Variants in PUS1 observed in about 807,000 individuals in gnomAD.
The protein encoded by PUS1 is pseudouridylate synthase 1 homolog.
In PUS1, 25 loss-of-function variants were observed where a neutral mutation model predicts 38.5. The ratio of observed to expected loss-of-function variants is 0.65; its 90% CI spans 0.47 to 0.91. PUS1 has a LOEUF of 0.91. Among genes scored for constraint, PUS1 ranks in the 40% least tolerant of loss-of-function variants. The probability of loss-of-function intolerance (pLI) is 0.00; values close to 1 mark genes in which losing one functional copy is unlikely to be tolerated. For missense variants in PUS1, 597 were observed against 612.3 expected (o/e 0.97, Z 0.26); for synonymous variants, 282 against 260.4 (o/e 1.08, Z -0.80).
intron 2 of PUS1, 28 bp from the exon 3 acceptor site, chr12:131,932,147 A>G: frequency 1.2e-6 from 2 of 1,611,078 alleles, no homozygotes; most frequent in Middle Eastern, 3.3e-4. Context: ...TGCAAAATAT[A>G]AAATCTGTTT....
chr12:131,933,113 G>A (rs897522280), intron 3 of PUS1, among the ~76,000 whole-genome samples: 3 of 151,978 alleles, frequency 2.0e-5, no homozygotes, highest in African/African-American at 7.2e-5. Context: ...GACACTTGGG[G>A]ATTACCTTCA....
rs780061373 is a variant in PUS1, at chr12:131,929,997, C to A, written c.165C>A (p.Gly55=). 2 of 1,483,040 alleles carry A rather than the reference C, an allele frequency of 1.3e-6. No homozygotes were observed. Among genetic ancestry groups the A allele is most frequent in the South Asian group, 1.4e-5 (1 of 73,328 alleles). 91.9% of individuals were successfully genotyped at this position (1,483,040 alleles called of 1,614,324 possible). The change falls in exon 2 of 6, where the codon GGC becomes GGA. Residue 55 remains glycine, a synonymous_variant. Coordinates refer to ENST00000376649, the MANE Select transcript of PUS1 (RefSeq NM_025215.6). ...GGTCCTGCAGCGGCCGGGCCGGGGG[C>A]GACCGCGTCTGGGAGGACGGAGAAC... ...DRRSCSGRAG[G]DRVWEDGEHP...
intron 4 of PUS1, among the ~76,000 whole-genome samples, chr12:131,940,541 A>G (rs1014821132): frequency 6.6e-6 from 1 of 152,260 alleles, no homozygotes; most frequent in Admixed American, 6.5e-5. Context: ...AGGATTCAGT[A>G]ATCCCTGTTG....
At chr12:131,938,552 CTG>C (rs1425395757) in intron 3 of PUS1, among the ~76,000 whole-genome samples, 2 of 152,152 alleles carry the variant, frequency 1.3e-5, no homozygotes, top group Non-Finnish European at 2.9e-5. Flanking sequence ...CAGTTTTTAT[CTG>C]TGTACCTACC....
intron 2 of PUS1, 55 bp from the exon 3 acceptor site, chr12:131,932,120 T>A: frequency 6.5e-7 from 1 of 1,545,084 alleles, no homozygotes; most frequent in Non-Finnish European, 8.9e-7. Flanking sequence ...CTGGGCAACA[T>A]CATGGCGACC....
intron 3 of PUS1, among the ~76,000 whole-genome samples, chr12:131,933,865 A>G (rs1007638050): frequency 1.6e-4 from 25 of 152,284 alleles, no homozygotes; most frequent in African/African-American, 6.0e-4. Flanking sequence ...GACCACTACC[A>G]CCAATGGGCC....
rs1001967684 is a variant in PUS1, at chr12:131,943,558, G to T, written c.1256G>T (p.Gly419Val). Residue 419 changes from glycine (G) to valine (V), a missense_variant, in exon 6 of 6, where the codon GGC (glycine) becomes GTC (valine). Physicochemically the swap from Gly to Val is moderately radical, Grantham distance 109 (BLOSUM62 -3). Coordinates refer to ENST00000376649, the MANE Select transcript of PUS1 (RefSeq NM_025215.6). Reference sequence around the variant, plus strand: ...CTGCAGGTGCCCAGTCCCCTGGAAGGCAGTGAAGGGGACGGAGACACTGAC... The same window carrying T: ...CTGCAGGTGCCCAGTCCCCTGGAAGTCAGTGAAGGGGACGGAGACACTGAC... ...TGAKVPSPLE[G>V]SEGDGDTD is the part of the protein sequence containing the mutation. 1.2e-6 allele frequency: 2 copies of T among 1,613,766 alleles called. No homozygotes were observed. The highest frequency in any genetic ancestry group is 1.7e-5 in the Admixed American group (1 of 60,032).
At chr12:131,937,456 C>G (rs1356862860) in intron 3 of PUS1, among the ~76,000 whole-genome samples, 2 of 152,202 alleles carry the variant, frequency 1.3e-5, no homozygotes. Flanking sequence ...CTCACTGCAA[C>G]CTCCACCTCC....
rs1566148374 is a variant in PUS1, at chr12:131,941,644, C to G, written c.897C>G (p.Gly299=). 6.2e-7 allele frequency: 1 copy of G among 1,614,054 alleles called. No individual in the cohort carries two copies. Among genetic ancestry groups the G allele is most frequent in the Non-Finnish European group, 8.5e-7 (1 of 1,180,032 alleles). Residue 299 remains glycine, a synonymous_variant, in exon 5 of 6, where the codon GGC becomes GGG. Coordinates refer to ENST00000376649, the MANE Select transcript of PUS1 (RefSeq NM_025215.6). The surrounding 1 kb of genome is among the most constrained non-coding windows in gnomAD (Gnocchi z 4.4). ...FMMHQIRKMV[G]LVVAIVKGYA... ...TGCATCAGATCCGGAAGATGGTCGGCCTGGTGGTGGCCATTGTGAAGGGTT... is the reference window on the plus strand; with the variant it reads ...TGCATCAGATCCGGAAGATGGTCGGGCTGGTGGTGGCCATTGTGAAGGGTT...
chr12:131,942,112 A>G (rs564606545), intron 5 of PUS1, 129 bp downstream of exon 5: 10 of 903,388 alleles, frequency 1.1e-5, no homozygotes, highest in East Asian at 2.6e-5. Context: ...CTGCAGGAGC[A>G]GGGGCAGGCG....
At chr12:131,936,480 T>C (rs1890840434) in intron 3 of PUS1, among the ~76,000 whole-genome samples, 1 of 151,856 alleles carries the variant, frequency 6.6e-6, no homozygotes, top group Admixed American at 6.6e-5. Context: ...GGAGAATCGT[T>C]TGAATCCGAG....
At position 131,941,224 on chromosome 12, in the gene PUS1, C is replaced by T; in HGVS notation, c.545-68C>T. 2 of 1,402,236 alleles carry T rather than the reference C, an allele frequency of 1.4e-6. No individual in the cohort carries two copies. The highest frequency in any genetic ancestry group is 2.0e-6 in the Non-Finnish European group (2 of 996,198). The allele number at this position is 1,402,236 out of a possible 1,614,324, so 86.9% of individuals were successfully genotyped here. ...GAGACGCTGGGGCTCACGCCGTGCT[C>T]AGGCTGCTCCCTGGTCATCCAGGCA... On this transcript the variant is annotated intron_variant, in intron 4 of 5. Transcript: ENST00000376649. This position sits in a 1 kb window ranked among gnomAD's most constrained non-coding sequence, Gnocchi z 4.4.
At chr12:131,933,438 T>A (rs539727645) in intron 3 of PUS1, among the ~76,000 whole-genome samples, 13 of 152,372 alleles carry the variant, frequency 8.5e-5, no homozygotes, top group African/African-American at 3.1e-4. Flanking sequence ...AATGTAATAC[T>A]GTTTTTGTGT....
chr12:131,942,629 A>T (rs551072848), intron 5 of PUS1, among the ~76,000 whole-genome samples: 10 of 152,150 alleles, frequency 6.6e-5, no homozygotes, highest in Non-Finnish European at 1.0e-4. Flanking sequence ...GATGGTCTTG[A>T]TCTCCTGACC....
chr12:131,930,387 G>A (rs898318197), intron 2 of PUS1, among the ~76,000 whole-genome samples: 4 of 152,254 alleles, frequency 2.6e-5, no homozygotes, highest in Non-Finnish European at 5.9e-5. Context: ...CTGGGTGCCT[G>A]AGTCCTCATC....
chr12:131,941,978 G>GCCAAGGTAGGGGCACAGTCC lies in PUS1; in HGVS notation c.1233_1236+16dup, dbSNP rs1302506714. On this transcript the variant is annotated frameshift_variant, in exon 5 of 6. Transcript: ENST00000376649. LOFTEE classifies it high-confidence loss of function. The surrounding 1 kb of genome is among the most constrained non-coding windows in gnomAD (Gnocchi z 4.4). Reference sequence around the variant, plus strand: ...CGCTCTCACGGCAGGTGGCACGGGCGCCAAGGTAGGGGCACAGTCCCAGCA... The same window carrying GCCAAGGTAGGGGCACAGTCC: ...CGCTCTCACGGCAGGTGGCACGGGCGCCAAGGTAGGGGCACAGTCCCCAAGGTAGGGGCACAGTCCCAGCA... 1.9e-6 allele frequency: 3 copies of GCCAAGGTAGGGGCACAGTCC among 1,611,606 alleles called. No homozygotes were observed. Among genetic ancestry groups the GCCAAGGTAGGGGCACAGTCC allele is most frequent in the Non-Finnish European group, 2.5e-6 (3 of 1,179,436 alleles).
chr12:131,931,696 A>G (rs1890609310), intron 2 of PUS1: 2 of 188,238 alleles, frequency 1.1e-5, no homozygotes, highest in Non-Finnish European at 2.2e-5. Flanking sequence ...ACGCCCGGCT[A>G]ATTTTTGTAT....
Position 131,932,472 on chromosome 12 carries a change from G to A in PUS1, c.441+160G>A, listed in dbSNP as rs530451469. Reference sequence around the variant, plus strand: ...TGTAGGTGAGACGTCCAGGAGCCTGGTCGGCTCAGGTATAGCTGGATCTAG... The same window carrying A: ...TGTAGGTGAGACGTCCAGGAGCCTGATCGGCTCAGGTATAGCTGGATCTAG... On this transcript the variant is annotated intron_variant, in intron 3 of 5. Coordinates refer to ENST00000376649, the MANE Select transcript of PUS1 (RefSeq NM_025215.6). 19 of 780,500 alleles carry A rather than the reference G, an allele frequency of 2.4e-5. No homozygotes were observed. The African/African-American group carries it at 2.6e-4, about 11-fold the overall frequency. The allele number at this position is 780,500 out of a possible 1,614,324, so 48.3% of individuals were successfully genotyped here. A position where few individuals can be genotyped will look rare whatever the true frequency, so the allele number is the denominator to read the frequency against.
chr12:131,930,418 A>G (rs939648921), intron 2 of PUS1, among the ~76,000 whole-genome samples: 3 of 152,250 alleles, frequency 2.0e-5, no homozygotes, highest in Non-Finnish European at 4.4e-5. Flanking sequence ...GAGTGCTCAC[A>G]GCACCTGCTA....
Sources: gnomAD v4.1 joint callset for allele counts (sites outside exome capture counted in the v4.1 genomes callset) on GRCh38, gnomAD v4.1.1 for gene constraint, Gnocchi (gnomAD v3.1) non-coding constraint, MANE v1.5 for transcripts, NCBI Gene and HGNC (gene_info 2026-07-23, HGNC 2026-07-21) for gene names.